CHKA: variants seen among roughly 807,000 people sequenced by gnomAD.
CHKA encodes the protein choline kinase alpha, also known as CHETK-alpha.
CHKA carries 34 observed loss-of-function variants against 60.1 expected under a neutral mutation model. The ratio of observed to expected loss-of-function variants is 0.57; its 90% CI spans 0.43 to 0.75. CHKA has a LOEUF of 0.75. CHKA is among the 30% of genes least tolerant of loss of function. CHKA has a pLI of 0.00. For missense variants in CHKA, 563 were observed against 561.3 expected, an observed-to-expected ratio of 1.00 and a Z score of -0.03; for synonymous variants, 217 against 223.1, an observed-to-expected ratio of 0.97 and a Z score of 0.24.
chr11:68,120,786 T>G, intron 1 of CHKA, 42 bp downstream of exon 1: 11 of 875,150 alleles, frequency 1.3e-5, no homozygotes, highest in African/African-American at 1.8e-5. Flanking sequence ...CCGCCCCGCG[T>G]CACCTGACTG....
chr11:68,073,728 A>T (rs1226817779), intron 4 of CHKA, among the ~76,000 whole-genome samples: 1 of 152,188 alleles, frequency 6.6e-6, no homozygotes, highest in Non-Finnish European at 1.5e-5. Flanking sequence ...GTCCCCAGCC[A>T]GACGCAGCAG....
At chr11:68,054,613 C>T (rs868155654) in intron 11 of CHKA, among the ~76,000 whole-genome samples, 11 of 152,108 alleles carry the variant, frequency 7.2e-5, no homozygotes, top group South Asian at 2.1e-4. Context: ...TCTCAAAGAC[C>T]CACTCCTAAT....
intron 2 of CHKA, among the ~76,000 whole-genome samples, chr11:68,089,097 C>T (rs895210872): frequency 1.1e-4 from 16 of 152,058 alleles, no homozygotes; most frequent in Admixed American, 5.2e-4. Flanking sequence ...GATGAATATC[C>T]GTAGGAAACT....
intron 10 of CHKA, among the ~76,000 whole-genome samples, chr11:68,063,898 G>A (rs1856342489): frequency 6.6e-6 from 1 of 152,086 alleles, no homozygotes; most frequent in South Asian, 2.1e-4. Context: ...AGTTTCCTGA[G>A]GCCTCCCTGG....
chr11:68,084,281 T>TAC (rs1312464163), intron 2 of CHKA, among the ~76,000 whole-genome samples: 7 of 145,298 alleles, frequency 4.8e-5, no homozygotes, highest in Admixed American at 1.4e-4. Context: ...TACGTATATA[T>TAC]ACACATATAT....
rs1423879018 is a variant in CHKA at position 68,092,556 on chromosome 11, C to T, written c.462+4463G>A. Among the ~76,000 whole-genome samples, 9 of 152,186 alleles carry T rather than the reference C, an allele frequency of 5.9e-5. No homozygotes were observed. The South Asian group carries it at 1.0e-3, about 18-fold the overall frequency. ...AGCACACAGCAGCTGTTGCCTGGCTCGCATCTTAGAAGCTTCTAAGCCTGT... is the reference window on the plus strand; with the variant it reads ...AGCACACAGCAGCTGTTGCCTGGCTTGCATCTTAGAAGCTTCTAAGCCTGT... On this transcript the variant is annotated intron_variant, in intron 2 of 11. Coordinates refer to ENST00000265689, the MANE Select transcript of CHKA (RefSeq NM_001277.3).
intron 1 of CHKA, among the ~76,000 whole-genome samples, chr11:68,107,481 C>T (rs182379891): frequency 1.3e-5 from 2 of 152,192 alleles, no homozygotes; most frequent in Admixed American, 6.5e-5. Flanking sequence ...AACAGTAGTG[C>T]CTTTTTCCCA....
chr11:68,120,842 G>A lies in CHKA; in HGVS notation c.336C>T (p.His112=), dbSNP rs1457578659. The change falls in exon 1 of 12, where the codon CAC becomes CAT. Residue 112 remains histidine (H), a synonymous_variant. Coordinates refer to ENST00000265689, the MANE Select transcript of CHKA (RefSeq NM_001277.3). Reference sequence around the variant, plus strand: ...GCGCCACCGACCTGATGACACTGATGTGGAACTCGTCCTCGCGGAGGCCCC... The same window carrying A: ...GCGCCACCGACCTGATGACACTGATATGGAACTCGTCCTCGCGGAGGCCCC... ...AWRGLREDEF[H]ISVIRGGLSN... 7.6e-6 allele frequency: 10 copies of A among 1,323,858 alleles called. No individual in the cohort carries two copies. Among genetic ancestry groups the A allele is most frequent in the Non-Finnish European group, 9.8e-6 (10 of 1,019,836 alleles). The allele number at this position is 1,323,858 out of a possible 1,614,324, so 82.0% of individuals were successfully genotyped here. A position where few individuals can be genotyped will look rare whatever the true frequency, so the allele number is the denominator to read the frequency against.
At chr11:68,117,472 T>C (rs902281863) in intron 1 of CHKA, among the ~76,000 whole-genome samples, 1 of 152,130 alleles carries the variant, frequency 6.6e-6, no homozygotes, top group African/African-American at 2.4e-5. Flanking sequence ...GTGGAACACC[T>C]GAGGTCAGGA....
At position 68,097,133 on chromosome 11, in the gene CHKA, G is replaced by T; in HGVS notation, c.351-3C>A. Reference sequence around the variant, plus strand: ...ACAGCATGTTGCTAAGGCCGCCTCTGTCAGAAATAAGAGGACAGTAAGTAT... The same window carrying T: ...ACAGCATGTTGCTAAGGCCGCCTCTTTCAGAAATAAGAGGACAGTAAGTAT... On this transcript the variant is annotated splice_polypyrimidine_tract_variant and splice_region_variant and intron_variant, in intron 1 of 11. Transcript: ENST00000265689. 6.2e-7 allele frequency: 1 copy of T among 1,608,968 alleles called. No homozygotes were observed. The highest frequency in any genetic ancestry group is 8.5e-7 in the Non-Finnish European group (1 of 1,176,032).
intron 11 of CHKA, chr11:68,061,582 C>T: frequency 2.7e-6 from 1 of 363,974 alleles, no homozygotes; most frequent in Non-Finnish European, 5.6e-6. Flanking sequence ...CAGGAGCCAC[C>T]CACTCTTCTT....
rs1178752752 is a variant in CHKA, at chr11:68,097,118, G to A, written c.363C>T (p.Ser121=). Residue 121 remains serine, a synonymous_variant, in exon 2 of 12, where the codon AGC becomes AGT. Transcript: ENST00000265689. ...GTAGGGAGCACTGGAACAGCATGTT[G>A]CTAAGGCCGCCTCTGTCAGAAATAA... ...FHISVIRGGL[S]NMLFQCSLPD... The A allele has an allele frequency of 6.2e-7, 1 of 1,613,072 alleles. No individual in the cohort carries two copies. Among genetic ancestry groups the A allele is most frequent in the Non-Finnish European group, 8.5e-7 (1 of 1,179,540 alleles).
At chr11:68,116,118 C>A (rs991348420) in intron 1 of CHKA, among the ~76,000 whole-genome samples, 3 of 152,152 alleles carry the variant, frequency 2.0e-5, no homozygotes, top group Non-Finnish European at 2.9e-5. Context: ...CAATGGTTTT[C>A]TTTTCACTGT....
intron 1 of CHKA, among the ~76,000 whole-genome samples, chr11:68,104,066 A>T (rs887134054): frequency 1.3e-5 from 2 of 152,218 alleles, no homozygotes; most frequent in Non-Finnish European, 2.9e-5. Flanking sequence ...AAAGCCATCA[A>T]TTGATTATAG....
At chr11:68,094,208 G>A (rs913741889) in intron 2 of CHKA, among the ~76,000 whole-genome samples, 3 of 152,148 alleles carry the variant, frequency 2.0e-5, no homozygotes, top group African/African-American at 7.2e-5. Context: ...GGACTTAATC[G>A]TTGCAGAACG....
At chr11:68,063,822 C>A (rs1393698490) in intron 10 of CHKA, among the ~76,000 whole-genome samples, 2 of 152,064 alleles carry the variant, frequency 1.3e-5, no homozygotes, top group African/African-American at 4.8e-5. Context: ...ATCTCTCTGC[C>A]CCTCTCTCTC....
intron 1 of CHKA, among the ~76,000 whole-genome samples, chr11:68,108,091 C>A (rs113739412): frequency 6.6e-6 from 1 of 152,114 alleles, no homozygotes; most frequent in Non-Finnish European, 1.5e-5. Context: ...GGAAGGAGAA[C>A]GTGGGCATCA....
chr11:68,053,760 A>G lies in CHKA; in HGVS notation c.*228T>C, dbSNP rs1301522986. On this transcript the variant is annotated 3_prime_UTR_variant, in exon 12 of 12. Coordinates refer to ENST00000265689, the MANE Select transcript of CHKA (RefSeq NM_001277.3). ...TTCAGAGATGTTGCACTATTGCACT[A>G]TATTTCTGCTTCCCGATCTCGTTTC... is the stretch of plus-strand genomic sequence containing the variant. The G allele has an allele frequency of 8.0e-6, 4 of 498,464 alleles. No individual in the cohort carries two copies. The highest frequency in any genetic ancestry group is 6.6e-5 in the East Asian group (2 of 30,234). The allele number at this position is 498,464 out of a possible 1,614,324, so 30.9% of individuals were successfully genotyped here.
At chr11:68,062,147 T>TA in intron 10 of CHKA, 113 bp from the exon 11 acceptor site, 1 of 733,542 alleles carries the variant, frequency 1.4e-6, no homozygotes, top group Non-Finnish European at 2.3e-6. Context: ...CAAACCTAGT[T>TA]AGTGTTGGCA....
Sources: gnomAD v4.1 joint callset for allele counts (sites outside exome capture counted in the v4.1 genomes callset) on GRCh38, gnomAD v4.1.1 for gene constraint, MANE v1.5 for transcripts, NCBI Gene and HGNC (gene_info 2026-07-23, HGNC 2026-07-21) for gene names.